The following XPR1 variants were observed in gnomAD, a reference collection of about 807,000 sequenced individuals.
The protein encoded by XPR1 is xenotropic and polytropic retrovirus receptor 1.
Under a neutral mutation model 87.5 loss-of-function variants are expected in XPR1, and 28 were observed. That is an observed-to-expected ratio of 0.32 (90% CI 0.24 to 0.44). The LOEUF is 0.44. Ranked by LOEUF, XPR1 falls within the 20% of genes least tolerant of loss-of-function variation. XPR1 has a pLI of 1.00. For missense variants in XPR1, 559 were observed against 862.3 expected (o/e 0.65, Z 4.41); for synonymous variants, 300 against 306.1 (o/e 0.98, Z 0.21).
intron 1 of XPR1, among the ~76,000 whole-genome samples, chr1:180,653,511 G>A (rs1655357281): frequency 6.6e-6 from 1 of 151,890 alleles, no homozygotes; most frequent in Non-Finnish European, 1.5e-5. Context: ...GCAATTATTG[G>A]GCAAGGTACA....
At chr1:180,668,469 T>C in intron 1 of XPR1, among the ~76,000 whole-genome samples, 1 of 152,184 alleles carries the variant, frequency 6.6e-6, no homozygotes, top group East Asian at 1.9e-4. Context: ...AGTTTGTTCT[T>C]CTTTTTCTAG....
At chr1:180,835,275 C>A (rs1198342695) in intron 10 of XPR1, among the ~76,000 whole-genome samples, 1 of 152,168 alleles carries the variant, frequency 6.6e-6, no homozygotes, top group Non-Finnish European at 1.5e-5. Flanking sequence ...TTACAACTTA[C>A]ACTTAAAGAA....
At chr1:180,756,768 T>C (rs1404533702) in intron 2 of XPR1, among the ~76,000 whole-genome samples, 1 of 152,228 alleles carries the variant, frequency 6.6e-6, no homozygotes, top group Non-Finnish European at 1.5e-5. Context: ...TTGTGGGTGA[T>C]ACTTAGTAAT....
chr1:180,825,438 C>T, intron 9 of XPR1, 94 bp downstream of exon 9: 1 of 1,292,902 alleles, frequency 7.7e-7, no homozygotes, highest in Non-Finnish European at 1.0e-6. Context: ...TGTACAACTG[C>T]AGAGGCCGTG....
At chr1:180,716,304 G>A (rs150765233) in intron 2 of XPR1, among the ~76,000 whole-genome samples, 209 of 151,880 alleles carry the variant, frequency 1.4e-3, no homozygotes, top group African/African-American at 4.3e-3. Flanking sequence ...GCCCAGACTG[G>A]TCTTGAACTC....
At chr1:180,799,741 G>A (rs1013004233) in intron 3 of XPR1, among the ~76,000 whole-genome samples, 1 of 152,104 alleles carries the variant, frequency 6.6e-6, no homozygotes, top group Non-Finnish European at 1.5e-5. Context: ...GTGACTCTGG[G>A]GTTCAGTGCT....
At chr1:180,696,516 T>G (rs1385213260) in intron 2 of XPR1, among the ~76,000 whole-genome samples, 1 of 151,810 alleles carries the variant, frequency 6.6e-6, no homozygotes, top group African/African-American at 2.4e-5. Context: ...TGAATAAGAA[T>G]GGTGAAAGTG....
chr1:180,689,439 G>A (rs930048429), intron 2 of XPR1, among the ~76,000 whole-genome samples: 5 of 151,982 alleles, frequency 3.3e-5, no homozygotes, highest in African/African-American at 1.2e-4. Flanking sequence ...TTAGAAAAAA[G>A]CAAATTGTCT....
intron 2 of XPR1, among the ~76,000 whole-genome samples, chr1:180,769,070 T>C (rs1361359765): frequency 7.0e-6 from 1 of 143,414 alleles, no homozygotes; most frequent in Non-Finnish European, 1.5e-5. Flanking sequence ...TCTATATCTG[T>C]TTTTTTTTAA....
intron 1 of XPR1, among the ~76,000 whole-genome samples, chr1:180,656,344 ATATT>A (rs1333446158): frequency 1.5e-4 from 16 of 106,008 alleles, no homozygotes; most frequent in African/African-American, 5.2e-4. Flanking sequence ...TAATATTTAT[ATATT>A]TAATATTTAT....
chr1:180,769,841 A>T (rs183562319), intron 2 of XPR1, among the ~76,000 whole-genome samples: 1 of 152,266 alleles, frequency 6.6e-6, no homozygotes, highest in Admixed American at 6.5e-5. Context: ...TAATTTTTTG[A>T]GGAACCTCCA....
chr1:180,803,377 A>G lies in XPR1; in HGVS notation c.224-11A>G, dbSNP rs559533417. 1.7e-5 allele frequency: 27 copies of G among 1,612,078 alleles called. No homozygotes were observed. The highest frequency in any genetic ancestry group is 5.0e-5 in the Admixed American group (3 of 59,818). On this transcript the variant is annotated splice_polypyrimidine_tract_variant and intron_variant, in intron 3 of 14. Coordinates refer to ENST00000367590, the MANE Select transcript of XPR1 (RefSeq NM_004736.4). ...CTTACTGATTTGACAGTTCCGTTCT[A>G]TTTCTTATAGAGAAGCTCGCAGAGG...
intron 3 of XPR1, among the ~76,000 whole-genome samples, chr1:180,794,338 G>A (rs770277005): frequency 3.3e-4 from 50 of 152,238 alleles, no homozygotes; most frequent in Non-Finnish European, 3.1e-4. Flanking sequence ...TGGGACTACT[G>A]TTGTACATGC....
chr1:180,712,893 A>C (rs1368502131), intron 2 of XPR1, among the ~76,000 whole-genome samples: 1 of 151,196 alleles, frequency 6.6e-6, no homozygotes, highest in East Asian at 1.9e-4. Flanking sequence ...CTATAGCTTT[A>C]GTAATAGTCT....
intron 2 of XPR1, among the ~76,000 whole-genome samples, chr1:180,744,307 C>CT: frequency 6.6e-6 from 1 of 152,130 alleles, no homozygotes; most frequent in Non-Finnish European, 1.5e-5. Context: ...TCAGTTCTAA[C>CT]TTTTTTATTT....
chr1:180,721,755 A>G (rs909096873), intron 2 of XPR1, among the ~76,000 whole-genome samples: 4 of 152,186 alleles, frequency 2.6e-5, no homozygotes, highest in African/African-American at 9.7e-5. Context: ...ATGTGAAGTC[A>G]TTGAGGATAA....
At chr1:180,730,573 A>G (rs1437034090) in intron 2 of XPR1, among the ~76,000 whole-genome samples, 1 of 152,202 alleles carries the variant, frequency 6.6e-6, no homozygotes, top group African/African-American at 2.4e-5. Flanking sequence ...TGAATGTGCC[A>G]GAGTCTGGCA....
intron 1 of XPR1, among the ~76,000 whole-genome samples, chr1:180,648,567 C>T (rs1179570710): frequency 1.3e-5 from 2 of 152,178 alleles, no homozygotes; most frequent in Non-Finnish European, 2.9e-5. Flanking sequence ...AGTGCAGTAG[C>T]ACAGTCTCAG....
At chr1:180,668,204 T>C (rs12084966) in intron 1 of XPR1, among the ~76,000 whole-genome samples, 11,126 of 149,428 alleles carry the variant, frequency 0.074, 1,181 homozygotes, top group African/African-American at 0.24. Context: ...TCTCAGTCAA[T>C]TGCAACCTCC....
Sources: gnomAD v4.1 joint callset for allele counts (sites outside exome capture counted in the v4.1 genomes callset) on GRCh38, gnomAD v4.1.1 for gene constraint, MANE v1.5 for transcripts, NCBI Gene and HGNC (gene_info 2026-07-23, HGNC 2026-07-21) for gene names.